The following STX10 variants were observed in gnomAD, a reference collection of about 807,000 sequenced individuals.
The protein encoded by STX10 is syntaxin 10.
A neutral mutation model predicts 34.1 loss-of-function variants in STX10; 35 were observed. The observed-to-expected ratio is 1.03, with a 90% CI of 0.78 to 1.36. The LOEUF (loss-of-function observed/expected upper bound fraction) is 1.36. STX10 is among the 40% of genes most tolerant of loss of function. The probability of loss-of-function intolerance (pLI) is 0.00; values close to 1 mark genes in which losing one functional copy is unlikely to be tolerated. For synonymous variants in STX10, 155 were observed against 132.9 expected (o/e 1.17, Z -1.15); for missense variants, 361 against 335.5 (o/e 1.08, Z -0.59).
rs1568394906 is a variant in STX10, at chr19:13,150,191, C to CG, written c.-19_-18insC. The CG allele has an allele frequency of 6.1e-6, 6 of 985,930 alleles. No homozygotes were observed. In the Admixed American group the frequency reaches 1.1e-4, roughly 19 times the overall value. 61.1% of individuals were successfully genotyped at this position (985,930 alleles called of 1,614,324 possible). A position where few individuals can be genotyped will look rare whatever the true frequency, so the allele number is the denominator to read the frequency against. On this transcript the variant is annotated 5_prime_UTR_variant, in exon 1 of 8. Coordinates refer to ENST00000587230, the MANE Select transcript of STX10 (RefSeq NM_003765.3). The surrounding 1 kb of genome is among the most constrained non-coding windows in gnomAD (Gnocchi z 4.0). ...AGAGACATGTCAGTCCCTTCCCCCCCAGGCCGAACCCCCCTCCCGGCCTGG... is the reference window on the plus strand; with the variant it reads ...AGAGACATGTCAGTCCCTTCCCCCCCGAGGCCGAACCCCCCTCCCGGCCTGG...
chr19:13,147,063 T>C (rs1483142987), intron 4 of STX10, among the ~76,000 whole-genome samples: 5 of 116,012 alleles, frequency 4.3e-5, no homozygotes, highest in African/African-American at 6.5e-5. Flanking sequence ...ACAGAGGTGG[T>C]TGGGAGAAAC....
Position 13,144,852 on chromosome 19 carries a change from C to A in STX10, c.490G>T (p.Asp164Tyr), listed in dbSNP as rs1372303841. 1 of 1,613,758 alleles carries A rather than the reference C, an allele frequency of 6.2e-7. No individual in the cohort carries two copies. The highest frequency in any genetic ancestry group is 2.2e-5 in the East Asian group (1 of 44,868). Residue 164 changes from aspartate (D) to tyrosine (Y), a missense_variant, in exon 6 of 8, where the codon GAT (aspartate) becomes TAT (tyrosine). Asp to Tyr is a radical substitution (Grantham distance 160, BLOSUM62 -3). Coordinates refer to ENST00000587230, the MANE Select transcript of STX10 (RefSeq NM_003765.3). Reference protein sequence around the residue: ...ATQQLIMDEQDQQLEMVSGSI... With the variant: ...ATQQLIMDEQYQQLEMVSGSI... ...CCAGACACCATCTCCAGCTGTTGAT[C>A]CTGTTCATCCATGATCAGCTGCAGA...
At chr19:13,149,423 A>AG in intron 3 of STX10, 76 bp downstream of exon 3, 13 of 1,168,848 alleles carry the variant, frequency 1.1e-5, no homozygotes, top group East Asian at 2.4e-5. Context: ...AAAAAAAAAA[A>AG]AAAAAAGAAA....
At position 13,150,348 on chromosome 19, in the gene STX10, C is replaced by T. The variant is rs915767389; in HGVS notation, c.-175G>A. On this transcript the variant is annotated 5_prime_UTR_variant, in exon 1 of 8. Coordinates refer to ENST00000587230, the MANE Select transcript of STX10 (RefSeq NM_003765.3). The surrounding 1 kb of genome is among the most constrained non-coding windows in gnomAD (Gnocchi z 4.0). ...AGGCCCGACGTGCGGACACTTCCGC[C>T]CTCTCCTCAGCCATCTTGGTTGTGG... The T allele has an allele frequency of 3.1e-5, 18 of 589,388 alleles. No individual in the cohort carries two copies. Among genetic ancestry groups the T allele is most frequent in the Non-Finnish European group, 4.9e-5 (16 of 329,374 alleles). 36.5% of individuals were successfully genotyped at this position (589,388 alleles called of 1,614,324 possible). A position where few individuals can be genotyped will look rare whatever the true frequency, so the allele number is the denominator to read the frequency against.
Position 13,150,274 on chromosome 19 carries a change from C to T in STX10, c.-101G>A, listed in dbSNP as rs1192046713. 6.1e-6 allele frequency: 4 copies of T among 660,886 alleles called. No homozygotes were observed. In the African/African-American group the frequency reaches 7.4e-5, roughly 12 times the overall value. The allele number at this position is 660,886 out of a possible 1,614,324, so 40.9% of individuals were successfully genotyped here. A position where few individuals can be genotyped will look rare whatever the true frequency, so the allele number is the denominator to read the frequency against. The stretch of plus-strand genomic sequence containing the variant: ...AACGCGCCGCCACCCCCGCCCCCGT[C>T]ACGCCACCATCGAGAGCCGGACCGC... On this transcript the variant is annotated 5_prime_UTR_variant, in exon 1 of 8. An upstream open reading frame in the 5' UTR loses its in-frame stop. Coordinates refer to ENST00000587230, the MANE Select transcript of STX10 (RefSeq NM_003765.3). This position sits in a 1 kb window ranked among gnomAD's most constrained non-coding sequence, Gnocchi z 4.0.
In STX10 at chr19:13,150,204, C is replaced by A. The variant is rs370766070; in HGVS notation, c.-31G>T. On this transcript the variant is annotated 5_prime_UTR_variant, in exon 1 of 8. Coordinates refer to ENST00000587230, the MANE Select transcript of STX10 (RefSeq NM_003765.3). The surrounding 1 kb of genome is among the most constrained non-coding windows in gnomAD (Gnocchi z 4.0). Reference sequence around the variant, plus strand: ...TCCCTTCCCCCCCAGGCCGAACCCCCCTCCCGGCCTGGGTTCGCGGGCTGG... The same window carrying A: ...TCCCTTCCCCCCCAGGCCGAACCCCACTCCCGGCCTGGGTTCGCGGGCTGG... 6.4e-5 allele frequency: 57 copies of A among 885,874 alleles called. No individual in the cohort carries two copies. Among genetic ancestry groups the A allele is most frequent in the Middle Eastern group, 2.1e-4 (1 of 4,700 alleles). 54.9% of individuals were successfully genotyped at this position (885,874 alleles called of 1,614,324 possible).
In STX10 at chr19:13,150,252, GCGCC is replaced by G; in HGVS notation, c.-83_-80del. On this transcript the variant is annotated 5_prime_UTR_variant, in exon 1 of 8. Transcript: ENST00000587230. This position sits in a 1 kb window ranked among gnomAD's most constrained non-coding sequence, Gnocchi z 4.0. ...TGGTTCCCTCCCAACCGAGGAGAAC[GCGCC>G]GCCACCCCCGCCCCCGTCACGCCAC... is the stretch of plus-strand genomic sequence containing the variant. 3 of 671,278 alleles carry G rather than the reference GCGCC, an allele frequency of 4.5e-6. No homozygotes were observed. The highest frequency in any genetic ancestry group is 2.4e-5 in the Admixed American group (1 of 40,850). 41.6% of individuals were successfully genotyped at this position (671,278 alleles called of 1,614,324 possible). A position where few individuals can be genotyped will look rare whatever the true frequency, so the allele number is the denominator to read the frequency against.
In STX10 at chr19:13,144,838, C is replaced by A. The variant is rs2019860705; in HGVS notation, c.504G>T (p.Glu168Asp). 6.2e-7 allele frequency: 1 copy of A among 1,614,008 alleles called. No homozygotes were observed. Among genetic ancestry groups the A allele is most frequent in the Non-Finnish European group, 8.5e-7 (1 of 1,179,998 alleles). The change falls in exon 6 of 8, where the codon GAG (glutamate) becomes GAT (aspartate). Residue 168 changes from glutamate to aspartate, a missense_variant. Transcript: ENST00000587230. ...LIMDEQDQQL[E>D]MVSGSIQVLK... ...GAACCTGGATGCTCCCAGACACCAT[C>A]TCCAGCTGTTGATCCTGTTCATCCA...
In STX10 at chr19:13,150,068, G is replaced by A. The variant is rs1002799337; in HGVS notation, c.35+71C>T. The A allele has an allele frequency of 2.3e-5, 27 of 1,154,106 alleles. No homozygotes were observed. Among genetic ancestry groups the A allele is most frequent in the Non-Finnish European group, 3.2e-5 (25 of 783,650 alleles). The allele number at this position is 1,154,106 out of a possible 1,614,324, so 71.5% of individuals were successfully genotyped here. ...CTTGCCCAGCCCGCCGGGCACGCTGGGGCCGGCACCCGGGCACTGGCTGGC... is the reference window on the plus strand; with the variant it reads ...CTTGCCCAGCCCGCCGGGCACGCTGAGGCCGGCACCCGGGCACTGGCTGGC... On this transcript the variant is annotated intron_variant, in intron 1 of 7. Coordinates refer to ENST00000587230, the MANE Select transcript of STX10 (RefSeq NM_003765.3). This position sits in a 1 kb window ranked among gnomAD's most constrained non-coding sequence, Gnocchi z 4.0.
At position 13,150,034 on chromosome 19, in the gene STX10, C is replaced by A. The variant is rs576661628; in HGVS notation, c.35+105G>T. Reference sequence around the variant, plus strand: ...CCTGCGTGCGCCTCCCACTCTGCACCCCGACGGCCTTGCCCAGCCCGCCGG... The same window carrying A: ...CCTGCGTGCGCCTCCCACTCTGCACACCGACGGCCTTGCCCAGCCCGCCGG... On this transcript the variant is annotated intron_variant, in intron 1 of 7. Transcript: ENST00000587230. This position sits in a 1 kb window ranked among gnomAD's most constrained non-coding sequence, Gnocchi z 4.0. 177 of 1,328,656 alleles carry A rather than the reference C, an allele frequency of 1.3e-4. 1 individual carries two copies. In the African/African-American group the frequency reaches 2.1e-3, roughly 16 times the overall value. 82.3% of individuals were successfully genotyped at this position (1,328,656 alleles called of 1,614,324 possible).
chr19:13,148,932 G>A lies in STX10; in HGVS notation c.363+97C>T, dbSNP rs1253926222. ...AAGATAACTGCCCACAGAGAGGACGGGCACTGTCGCAAAAGGGACAGGTGA... is the reference window on the plus strand; with the variant it reads ...AAGATAACTGCCCACAGAGAGGACGAGCACTGTCGCAAAAGGGACAGGTGA... On this transcript the variant is annotated intron_variant, in intron 4 of 7. Coordinates refer to ENST00000587230, the MANE Select transcript of STX10 (RefSeq NM_003765.3). The A allele has an allele frequency of 1.0e-5, 10 of 988,066 alleles. No individual in the cohort carries two copies. The East Asian group carries it at 1.9e-4, about 19-fold the overall frequency. 61.2% of individuals were successfully genotyped at this position (988,066 alleles called of 1,614,324 possible). A position where few individuals can be genotyped will look rare whatever the true frequency, so the allele number is the denominator to read the frequency against.
intron 3 of STX10, 72 bp from the exon 4 acceptor site, chr19:13,149,163 G>A (rs2019984364): frequency 2.1e-6 from 3 of 1,397,046 alleles, no homozygotes; most frequent in Middle Eastern, 1.9e-4. Flanking sequence ...TGTAATCCTA[G>A]CACTTTGAGA....
In STX10 at chr19:13,144,305, C is replaced by G; in HGVS notation, c.*105G>C. 1 of 1,478,016 alleles carries G rather than the reference C, an allele frequency of 6.8e-7. No homozygotes were observed. The highest frequency in any genetic ancestry group is 2.4e-5 in the East Asian group (1 of 40,822). 91.6% of individuals were successfully genotyped at this position (1,478,016 alleles called of 1,614,324 possible). A position where few individuals can be genotyped will look rare whatever the true frequency, so the allele number is the denominator to read the frequency against. ...CTCCCCAGGCGGGACCCTCTACTCTCCAGCTACCCAGGAGGGACCCTCTCC... is the reference window on the plus strand; with the variant it reads ...CTCCCCAGGCGGGACCCTCTACTCTGCAGCTACCCAGGAGGGACCCTCTCC... On this transcript the variant is annotated 3_prime_UTR_variant, in exon 8 of 8. Transcript: ENST00000587230.
At chr19:13,149,128 C>A in intron 3 of STX10, 37 bp from the exon 4 acceptor site, 1 of 1,556,628 alleles carries the variant, frequency 6.4e-7, no homozygotes, top group Non-Finnish European at 8.7e-7. Flanking sequence ...GAAAGACACT[C>A]AGGCTGGGCG....
chr19:13,145,530 C>G, intron 4 of STX10, 135 bp from the exon 5 acceptor site: 1 of 664,366 alleles, frequency 1.5e-6, no homozygotes. Context: ...TCACCACTTA[C>G]TAGCAAGGTG....
chr19:13,146,426 G>C (rs1340739445), intron 4 of STX10, among the ~76,000 whole-genome samples: 1 of 152,130 alleles, frequency 6.6e-6, no homozygotes. Context: ...CTAGTGATAG[G>C]GTTTCCCCAT....
Position 13,144,452 on chromosome 19 carries a change from C to G in STX10, c.708G>C (p.Val236=). ...AGATGAGAACGAGGAGAAGCACCCC[C>G]ACTAGCACGGCGATGGCACACCACT... is the stretch of plus-strand genomic sequence containing the variant. ...RRQWCAIAVL[V]GVLLLVLILL... is the part of the protein sequence containing the mutation. The change falls in exon 8 of 8, where the codon GTG becomes GTC. Residue 236 remains valine (V), a synonymous_variant. Coordinates refer to ENST00000587230, the MANE Select transcript of STX10 (RefSeq NM_003765.3). 6 of 1,613,032 alleles carry G rather than the reference C, an allele frequency of 3.7e-6. No individual in the cohort carries two copies. The highest frequency in any genetic ancestry group is 4.2e-6 in the Non-Finnish European group (5 of 1,179,724).
chr19:13,145,480 G>T (rs947793089), intron 4 of STX10, 85 bp from the exon 5 acceptor site: 2 of 1,154,398 alleles, frequency 1.7e-6, no homozygotes, highest in Non-Finnish European at 1.2e-6. Context: ...TGGTAAGTCA[G>T]GGGGGCAGAC....
intron 4 of STX10, among the ~76,000 whole-genome samples, chr19:13,148,376 G>A (rs2019956732): frequency 6.6e-6 from 1 of 151,842 alleles, no homozygotes; most frequent in African/African-American, 2.4e-5. Flanking sequence ...GGTGGCGTAT[G>A]CCTATAATCC....
Sources: allele counts gnomAD v4.1 joint callset (sites outside exome capture counted in the v4.1 genomes callset), GRCh38; gene constraint gnomAD v4.1.1; non-coding constraint Gnocchi (gnomAD v3.1); transcripts MANE v1.5; gene names NCBI Gene and HGNC (gene_info 2026-07-23, HGNC 2026-07-21).